Variants in PARD3 observed in about 807,000 individuals in gnomAD.
PARD3 encodes partitioning defective 3 homolog.
Under a neutral mutation model 155.4 loss-of-function variants are expected in PARD3, and 75 were observed. The observed-to-expected ratio is 0.48, with a 90% CI of 0.40 to 0.58. The LOEUF is 0.58. Ranked by LOEUF, PARD3 falls within the 20% of genes least tolerant of loss-of-function variation. The pLI is 0.00. For missense variants in PARD3, 1,642 were observed against 1,721.7 expected, an observed-to-expected ratio of 0.95 and a Z score of 0.82; for synonymous variants, 576 against 610.5, an observed-to-expected ratio of 0.94 and a Z score of 0.83.
At chr10:34,746,484 T>C (rs1309397735) in intron 1 of PARD3, among the ~76,000 whole-genome samples, 1 of 152,072 alleles carries the variant, frequency 6.6e-6, no homozygotes, top group East Asian at 1.9e-4. Context: ...TATTTTAAAA[T>C]AGTAACACAT....
chr10:34,813,446 C>A (rs574691462), intron 1 of PARD3, among the ~76,000 whole-genome samples: 1 of 152,234 alleles, frequency 6.6e-6, no homozygotes, highest in South Asian at 2.1e-4. Flanking sequence ...AGATGGTTTT[C>A]TTTCCCTTTG....
chr10:34,214,637 CA>C (rs1951912996), intron 22 of PARD3, among the ~76,000 whole-genome samples: 1 of 151,960 alleles, frequency 6.6e-6, no homozygotes, highest in Non-Finnish European at 1.5e-5. Context: ...GGCAATGTAG[CA>C]AGACTCTGTC....
chr10:34,568,121 A>G (rs1305289650), intron 2 of PARD3, among the ~76,000 whole-genome samples: 1 of 152,164 alleles, frequency 6.6e-6, no homozygotes, highest in Non-Finnish European at 1.5e-5. Flanking sequence ...CCTGAACCAC[A>G]TTTGAGTCTG....
chr10:34,372,011 T>A (rs560875739), intron 12 of PARD3, among the ~76,000 whole-genome samples: 2 of 152,266 alleles, frequency 1.3e-5, no homozygotes, highest in Admixed American at 1.3e-4. Context: ...TAACTTTTGT[T>A]AAATTATCTC....
At chr10:34,507,294 C>T (rs997712994) in intron 3 of PARD3, among the ~76,000 whole-genome samples, 2 of 151,990 alleles carry the variant, frequency 1.3e-5, no homozygotes, top group African/African-American at 2.4e-5. Flanking sequence ...TTCTTAAATG[C>T]TCATCTTAAG....
Position 34,593,087 on chromosome 10 carries a change from C to T in PARD3, c.223-75928G>A, listed in dbSNP as rs530352103. Among the ~76,000 whole-genome samples the T allele has an allele frequency of 9.2e-5, 14 of 152,266 alleles. No homozygotes were observed. The South Asian group carries it at 2.3e-3, about 25-fold the overall frequency. On this transcript the variant is annotated intron_variant, in intron 2 of 24. Transcript: ENST00000374788. The stretch of plus-strand genomic sequence containing the variant: ...GAGGGTAGTGAGAAAGACACAAGTA[C>T]GCCATCAATGTGGGTTTGAGGCAGA...
intron 16 of PARD3, among the ~76,000 whole-genome samples, chr10:34,338,879 GC>G (rs1241326505): frequency 1.3e-5 from 2 of 152,128 alleles, no homozygotes; most frequent in East Asian, 1.9e-4. Flanking sequence ...TAAGGTGAAA[GC>G]CCCATGTAAA....
At chr10:34,814,021 G>C (rs373144702) in intron 1 of PARD3, among the ~76,000 whole-genome samples, 1 of 152,202 alleles carries the variant, frequency 6.6e-6, no homozygotes, top group Non-Finnish European at 1.5e-5. Flanking sequence ...CAGTCCACCA[G>C]GAAAAAGGGA....
intron 2 of PARD3, among the ~76,000 whole-genome samples, chr10:34,642,307 A>T (rs1241430467): frequency 6.6e-6 from 1 of 151,948 alleles, no homozygotes; most frequent in Non-Finnish European, 1.5e-5. Context: ...AGCTGTCATG[A>T]ATCTTTCTAA....
At chr10:34,402,090 T>C (rs1300854871) in intron 5 of PARD3, among the ~76,000 whole-genome samples, 173 bp from the exon 6 acceptor site, 1 of 151,952 alleles carries the variant, frequency 6.6e-6, no homozygotes, top group Admixed American at 6.6e-5. Flanking sequence ...AAAGCTAAAA[T>C]TGAAAACAAG....
chr10:34,444,698 A>C (rs1322077729), intron 5 of PARD3, among the ~76,000 whole-genome samples: 1 of 152,186 alleles, frequency 6.6e-6, no homozygotes, highest in Non-Finnish European at 1.5e-5. Flanking sequence ...ATCTTTTCTT[A>C]TTGAAGTAAA....
rs572384692 is a variant in PARD3, at chr10:34,192,181, C to T, written c.3420-60598G>A. On this transcript the variant is annotated intron_variant, in intron 22 of 24. Transcript: ENST00000374788. ...CTCCTGGGCTCAAGTGATCCTCCCACCTTAGCCTCCTGAGTAGTTGGGACT... is the reference window on the plus strand; with the variant it reads ...CTCCTGGGCTCAAGTGATCCTCCCATCTTAGCCTCCTGAGTAGTTGGGACT... Among the ~76,000 whole-genome samples, 6 of 152,196 alleles carry T rather than the reference C, an allele frequency of 3.9e-5. No individual in the cohort carries two copies. In the South Asian group the frequency reaches 1.2e-3, roughly 32 times the overall value.
intron 2 of PARD3, among the ~76,000 whole-genome samples, chr10:34,595,191 G>T (rs900472800): frequency 6.6e-6 from 1 of 152,156 alleles, no homozygotes; most frequent in African/African-American, 2.4e-5. Context: ...GTGACATTCT[G>T]TCTCCCTTCT....
At chr10:34,776,359 G>A (rs1053934330) in intron 1 of PARD3, among the ~76,000 whole-genome samples, 7 of 152,116 alleles carry the variant, frequency 4.6e-5, no homozygotes, top group African/African-American at 1.2e-4. Context: ...ACTAACATAC[G>A]ACAATCTGAG....
At chr10:34,311,881 G>A (rs1052510895) in intron 20 of PARD3, among the ~76,000 whole-genome samples, 1 of 152,188 alleles carries the variant, frequency 6.6e-6, no homozygotes, top group Non-Finnish European at 1.5e-5. Context: ...ATGGGTGACT[G>A]TACCAGCCCA....
chr10:34,112,466 A>G (rs1467205730), intron 24 of PARD3, among the ~76,000 whole-genome samples: 1 of 152,256 alleles, frequency 6.6e-6, no homozygotes, highest in Non-Finnish European at 1.5e-5. Context: ...CTATGATGAA[A>G]TAAAACAATT....
intron 20 of PARD3, among the ~76,000 whole-genome samples, chr10:34,303,119 G>A (rs1292535959): frequency 6.8e-6 from 1 of 147,180 alleles, no homozygotes; most frequent in African/African-American, 2.5e-5. Context: ...TTTTTGCCAG[G>A]TGAAAAATAA....
intron 19 of PARD3, among the ~76,000 whole-genome samples, chr10:34,318,973 G>A (rs1467989527): frequency 6.7e-6 from 1 of 150,306 alleles, no homozygotes; most frequent in South Asian, 2.1e-4. Flanking sequence ...TAGTAGTAGA[G>A]TTTCACTATG....
chr10:34,463,114 G>GAAGAA, intron 4 of PARD3, among the ~76,000 whole-genome samples: 1 of 106,958 alleles, frequency 9.3e-6, no homozygotes, highest in African/African-American at 3.7e-5. Context: ...AAGTGAAGGG[G>GAAGAA]AAGAAAAGGA....
Sources: allele counts gnomAD v4.1 joint callset (sites outside exome capture counted in the v4.1 genomes callset), GRCh38; gene constraint gnomAD v4.1.1; transcripts MANE v1.5; gene names NCBI Gene and HGNC (gene_info 2026-07-23, HGNC 2026-07-21).